Variants in CC2D1A observed in about 807,000 individuals in gnomAD.
CC2D1A encodes coiled-coil and C2 domain-containing protein 1A.
CC2D1A carries 68 observed loss-of-function variants against 123.8 expected under a neutral mutation model. The observed-to-expected ratio is 0.55, with a 90% CI of 0.45 to 0.67. CC2D1A has a LOEUF of 0.67. Among genes scored for constraint, CC2D1A ranks in the 30% least tolerant of loss-of-function variants. The probability of loss-of-function intolerance (pLI) is 0.00; values close to 1 mark genes in which losing one functional copy is unlikely to be tolerated. For missense variants in CC2D1A, 1,185 were observed against 1,290.3 expected, an observed-to-expected ratio of 0.92 and a Z score of 1.25; for synonymous variants, 477 against 528.0, an observed-to-expected ratio of 0.90 and a Z score of 1.32.
intron 11 of CC2D1A, 49 bp downstream of exon 11, chr19:13,919,251 G>T (rs960647147): frequency 1.4e-6 from 2 of 1,442,742 alleles, no homozygotes; most frequent in African/African-American, 2.9e-5. Flanking sequence ...CGCCCCCGTA[G>T]GCCCCGCCCC....
At chr19:13,916,502 T>C (rs555698746) in intron 6 of CC2D1A, among the ~76,000 whole-genome samples, 172 of 152,200 alleles carry the variant, frequency 1.1e-3, no homozygotes, top group African/African-American at 4.0e-3. Flanking sequence ...AGGTTGAGGC[T>C]GAAGTGAGCT....
chr19:13,913,710 G>T (rs1971102679), intron 6 of CC2D1A, 72 bp downstream of exon 6: 5 of 1,155,100 alleles, frequency 4.3e-6, no homozygotes, highest in Non-Finnish European at 3.6e-6. Flanking sequence ...CTCTAGGGGG[G>T]TGCCGGCTGT....
At chr19:13,915,412 A>G (rs1027859860) in intron 6 of CC2D1A, among the ~76,000 whole-genome samples, 2 of 152,050 alleles carry the variant, frequency 1.3e-5, no homozygotes, top group Admixed American at 6.6e-5. Flanking sequence ...AGCCCGGCTA[A>G]TTTTTGTATT....
intron 1 of CC2D1A, among the ~76,000 whole-genome samples, chr19:13,908,542 C>T (rs1944597893): frequency 2.6e-5 from 4 of 151,816 alleles, no homozygotes; most frequent in Admixed American, 2.6e-4. Flanking sequence ...TCTCAGCTCA[C>T]TGCAACCTCC....
Position 13,918,140 on chromosome 19 carries a change from C to T in CC2D1A, c.819C>T (p.His273=), listed in dbSNP as rs1252107252. Residue 273 remains histidine (H), a synonymous_variant, in exon 7 of 29, where the codon CAC becomes CAT. Transcript: ENST00000318003. ...GCGACTACAAGCTGGCTGCCCTCCA[C>T]GCCAAGCAGCAGGGAGATACCACTG... ...RQRDYKLAAL[H]AKQQGDTTAA... is the part of the protein sequence containing the mutation. 4.5e-5 allele frequency: 73 copies of T among 1,610,642 alleles called. No individual in the cohort carries two copies. Among genetic ancestry groups the T allele is most frequent in the Non-Finnish European group, 5.9e-5 (69 of 1,179,360 alleles).
chr19:13,918,611 T>C (rs781649512), intron 8 of CC2D1A, 35 bp downstream of exon 8: 2 of 1,606,738 alleles, frequency 1.2e-6, no homozygotes, highest in East Asian at 4.5e-5. Flanking sequence ...TCTGGGATGG[T>C]TTCAGGCATA....
Position 13,918,803 on chromosome 19 carries a change from C to T in CC2D1A, c.1004C>T (p.Ala335Val), listed in dbSNP as rs771652291. Residue 335 changes from alanine (A) to valine (V), a missense_variant, in exon 9 of 29, where the codon GCG (alanine) becomes GTG (valine). By Grantham distance (64) the Ala-to-Val change is moderately conservative (BLOSUM62 0). Coordinates refer to ENST00000318003, the MANE Select transcript of CC2D1A (RefSeq NM_017721.5). ...TCGCAGCCTCCGACCCCCGCTACGG[C>T]GCCCTCCACAACAGGTAGGTTCTGG... Reference protein sequence around the residue: ...PPSQPPTPATAPSTTEVPPPP... With the variant: ...PPSQPPTPATVPSTTEVPPPP... The T allele has an allele frequency of 1.2e-5, 20 of 1,613,336 alleles. No individual in the cohort carries two copies. The highest frequency in any genetic ancestry group is 6.7e-5 in the Admixed American group (4 of 59,920).
chr19:13,910,345 T>C (rs550056228), intron 2 of CC2D1A, among the ~76,000 whole-genome samples: 1 of 149,206 alleles, frequency 6.7e-6, no homozygotes, highest in Non-Finnish European at 1.5e-5. Flanking sequence ...GAGGCGGAGC[T>C]TGCAGTGAGC....
At chr19:13,926,010 A>G (rs1489365289) in intron 17 of CC2D1A, among the ~76,000 whole-genome samples, 1 of 124,880 alleles carries the variant, frequency 8.0e-6, no homozygotes, top group Non-Finnish European at 1.5e-5. Flanking sequence ...GTATATATAT[A>G]TATACGTATA....
intron 17 of CC2D1A, among the ~76,000 whole-genome samples, chr19:13,925,376 C>T (rs900232100): frequency 1.3e-5 from 2 of 151,860 alleles, no homozygotes; most frequent in African/African-American, 2.4e-5. Flanking sequence ...GTCAGGAGAT[C>T]GAGACCATTC....
At position 13,923,941 on chromosome 19, in the gene CC2D1A, CAG is replaced by C; in HGVS notation, c.1940+133_1940+134del. On this transcript the variant is annotated intron_variant, in intron 17 of 28. Coordinates refer to ENST00000318003, the MANE Select transcript of CC2D1A (RefSeq NM_017721.5). This position sits in a 1 kb window ranked among gnomAD's most constrained non-coding sequence, Gnocchi z 5.3. The stretch of plus-strand genomic sequence containing the variant: ...GAAATTTTGGATAGGTGGAAGAGCA[CAG>C]AGCATGCAAAGGCTCTGGGGCAGGC... The C allele has an allele frequency of 1.5e-6, 1 of 675,840 alleles. No homozygotes were observed. Among genetic ancestry groups the C allele is most frequent in the Non-Finnish European group, 2.6e-6 (1 of 387,698 alleles). 41.9% of individuals were successfully genotyped at this position (675,840 alleles called of 1,614,324 possible). A position where few individuals can be genotyped will look rare whatever the true frequency, so the allele number is the denominator to read the frequency against.
intron 4 of CC2D1A, among the ~76,000 whole-genome samples, 174 bp downstream of exon 4, chr19:13,912,767 C>G (rs994251340): frequency 1.2e-4 from 19 of 152,216 alleles, no homozygotes; most frequent in Admixed American, 5.2e-4. Flanking sequence ...ATCCTCCCAC[C>G]TCAGCCTCCC....
chr19:13,926,893 C>A lies in CC2D1A; in HGVS notation c.2125+21C>A, dbSNP rs376855937. The A allele has an allele frequency of 3.1e-6, 5 of 1,613,690 alleles. No homozygotes were observed. The African/African-American group carries it at 6.7e-5, about 22-fold the overall frequency. ...CCCTGGTGAGCCTCGGCTGGAAGCACCCTACCCCTACTCCCTTGCAGCAGA... is the reference window on the plus strand; with the variant it reads ...CCCTGGTGAGCCTCGGCTGGAAGCAACCTACCCCTACTCCCTTGCAGCAGA... On this transcript the variant is annotated intron_variant, in intron 20 of 28. Coordinates refer to ENST00000318003, the MANE Select transcript of CC2D1A (RefSeq NM_017721.5).
In CC2D1A at chr19:13,909,236, C is replaced by A. The variant is rs952171511; in HGVS notation, c.61-587C>A. On this transcript the variant is annotated intron_variant, in intron 1 of 28. Coordinates refer to ENST00000318003, the MANE Select transcript of CC2D1A (RefSeq NM_017721.5). Reference sequence around the variant, plus strand: ...AAATACAAAAAAAAAATTAGCCGGGCGTGGTGGCGGGCGCCTGTAGTCCCA... The same window carrying A: ...AAATACAAAAAAAAAATTAGCCGGGAGTGGTGGCGGGCGCCTGTAGTCCCA... Among the ~76,000 whole-genome samples the A allele has an allele frequency of 2.6e-4, 40 of 152,032 alleles. 1 individual carries two copies. Among genetic ancestry groups the A allele is most frequent in the Non-Finnish European group, 5.6e-4 (38 of 67,962 alleles).
At position 13,926,524 on chromosome 19, in the gene CC2D1A, C is replaced by T. The variant is rs746894472; in HGVS notation, c.1948C>T (p.Pro650Ser). The change falls in exon 18 of 29, where the codon CCT (proline) becomes TCT (serine). Residue 650 changes from proline to serine, a missense_variant. Coordinates refer to ENST00000318003, the MANE Select transcript of CC2D1A (RefSeq NM_017721.5). ...QRTFSVIKIF[P>S]DLSSNDMLLF... is the part of the protein sequence containing the mutation. The stretch of plus-strand genomic sequence containing the variant: ...CACCTGCCCACCCGGAAGGATCTTC[C>T]CTGACCTCAGCAGCAACGACATGCT... 1.9e-6 allele frequency: 3 copies of T among 1,613,908 alleles called. No individual in the cohort carries two copies. The highest frequency in any genetic ancestry group is 4.5e-5 in the East Asian group (2 of 44,876).
rs1568424564 is a variant in CC2D1A at position 13,930,437 on chromosome 19, GCC to G, written c.*45_*46del. ...GCAGCCCCCAGAAAGCGGGCAGCAG[GCC>G]CCGATACCGGGAAGAGCCGACACAG... On this transcript the variant is annotated 3_prime_UTR_variant, in exon 29 of 29. Coordinates refer to ENST00000318003, the MANE Select transcript of CC2D1A (RefSeq NM_017721.5). The surrounding 1 kb of genome is among the most constrained non-coding windows in gnomAD (Gnocchi z 6.8). The G allele has an allele frequency of 6.4e-7, 1 of 1,566,020 alleles. No individual in the cohort carries two copies. Among genetic ancestry groups the G allele is most frequent in the Admixed American group, 1.9e-5 (1 of 51,868 alleles).
intron 24 of CC2D1A, among the ~76,000 whole-genome samples, chr19:13,928,465 T>C (rs1002950612): frequency 6.6e-6 from 1 of 152,018 alleles, no homozygotes. Flanking sequence ...TCTGGACTTC[T>C]GTGGGTTCCA....
In CC2D1A at chr19:13,906,978, C is replaced by G. The variant is rs2145280583; in HGVS notation, c.60+477C>G. 6.6e-6 allele frequency among the ~76,000 whole-genome samples: 1 copy of G among 152,278 alleles called. No homozygotes were observed. The highest frequency in any genetic ancestry group is 2.1e-4 in the South Asian group (1 of 4,824). Reference sequence around the variant, plus strand: ...ACTCTCCCGACTTCTTTGCCCCAGGCACCAGATAGTTTGATTTTTCTCAGT... The same window carrying G: ...ACTCTCCCGACTTCTTTGCCCCAGGGACCAGATAGTTTGATTTTTCTCAGT... On this transcript the variant is annotated intron_variant, in intron 1 of 28. Transcript: ENST00000318003. The surrounding 1 kb of genome is among the most constrained non-coding windows in gnomAD (Gnocchi z 4.1).
Position 13,930,378 on chromosome 19 carries a change from C to T in CC2D1A, c.2839C>T (p.Gln947Ter). ...YRRNLVESEL[Q>*]RLRR ...CCAGTGGCCTCCTCTCCCCCAGCTG[C>T]AGCGGCTCCGCAGGTGAGGAGCCCA... is the stretch of plus-strand genomic sequence containing the variant. The change falls in exon 29 of 29, where the codon CAG becomes TAG. Residue 947 changes from glutamine (Q) to a stop codon, truncating the protein, a stop_gained. Coordinates refer to ENST00000318003, the MANE Select transcript of CC2D1A (RefSeq NM_017721.5). LOFTEE classifies it high-confidence loss of function. The surrounding 1 kb of genome is among the most constrained non-coding windows in gnomAD (Gnocchi z 6.8). 1.2e-6 allele frequency: 2 copies of T among 1,612,936 alleles called. No individual in the cohort carries two copies. The highest frequency in any genetic ancestry group is 1.1e-5 in the South Asian group (1 of 91,030).
Sources: allele counts gnomAD v4.1 joint callset (sites outside exome capture counted in the v4.1 genomes callset), GRCh38; gene constraint gnomAD v4.1.1; non-coding constraint Gnocchi (gnomAD v3.1); transcripts MANE v1.5; gene names NCBI Gene and HGNC (gene_info 2026-07-23, HGNC 2026-07-21).